Variants in RAB31 observed in about 807,000 individuals in gnomAD.
RAB31 encodes ras-related protein Rab-31.
A neutral mutation model predicts 25.6 loss-of-function variants in RAB31; 21 were observed. That is an observed-to-expected ratio of 0.82 (90% CI 0.58 to 1.18). RAB31 has a LOEUF of 1.18. Ranked by LOEUF, RAB31 falls within the 50% of genes most tolerant of loss-of-function variation. The pLI, the probability that RAB31 is intolerant of heterozygous loss-of-function variation, is 0.00. For synonymous variants in RAB31, 87 were observed against 84.0 expected (o/e 1.04, Z -0.20); for missense variants, 196 against 250.1 (o/e 0.78, Z 1.46).
chr18:9,752,828 A>T (rs1482409824), intron 1 of RAB31, among the ~76,000 whole-genome samples: 1 of 152,212 alleles, frequency 6.6e-6, no homozygotes, highest in African/African-American at 2.4e-5. Flanking sequence ...CTTTTACTTT[A>T]TGGAATGTCT....
At chr18:9,716,311 T>C (rs1207090239) in intron 1 of RAB31, among the ~76,000 whole-genome samples, 1 of 152,192 alleles carries the variant, frequency 6.6e-6, no homozygotes, top group African/African-American at 2.4e-5. Context: ...GTGGTCTTAT[T>C]TTTTAACGTG....
At chr18:9,793,567 C>G (rs1215117605) in intron 3 of RAB31, among the ~76,000 whole-genome samples, 1 of 151,658 alleles carries the variant, frequency 6.6e-6, no homozygotes, top group African/African-American at 2.4e-5. Context: ...GAGGCTGAGG[C>G]AGGAGAATGG....
At chr18:9,798,306 C>A (rs987777204) in intron 3 of RAB31, among the ~76,000 whole-genome samples, 1 of 151,788 alleles carries the variant, frequency 6.6e-6, no homozygotes. Context: ...TGTCTGGTGT[C>A]CCCTGGTGGA....
chr18:9,776,797 TG>T (rs2068374500), intron 2 of RAB31, among the ~76,000 whole-genome samples: 1 of 152,278 alleles, frequency 6.6e-6, no homozygotes, highest in South Asian at 2.1e-4. Flanking sequence ...GTCTTCTACA[TG>T]GGGCAGTGAG....
intron 6 of RAB31, among the ~76,000 whole-genome samples, chr18:9,850,409 G>A (rs1243714111): frequency 6.6e-6 from 1 of 152,192 alleles, no homozygotes; most frequent in East Asian, 1.9e-4. Context: ...ACAGGTATGT[G>A]CCACCATGGC....
At chr18:9,720,370 GA>G (rs1203350870) in intron 1 of RAB31, among the ~76,000 whole-genome samples, 1 of 152,174 alleles carries the variant, frequency 6.6e-6, no homozygotes, top group Non-Finnish European at 1.5e-5. Flanking sequence ...GCGTACATGG[GA>G]AAAGTTAGGT....
chr18:9,815,079 G>A (rs775220715), intron 4 of RAB31, 37 bp from the exon 5 acceptor site: 2 of 1,352,292 alleles, frequency 1.5e-6, no homozygotes, highest in Non-Finnish European at 2.1e-6. Flanking sequence ...TTATATTGAG[G>A]GGTCTTTCTA....
chr18:9,729,363 T>C (rs1047748348), intron 1 of RAB31, among the ~76,000 whole-genome samples: 2 of 151,974 alleles, frequency 1.3e-5, no homozygotes, highest in South Asian at 2.1e-4. Context: ...CCATCTGTAC[T>C]AAAAATATAA....
chr18:9,742,388 G>A (rs927023406), intron 1 of RAB31, among the ~76,000 whole-genome samples: 2 of 152,282 alleles, frequency 1.3e-5, no homozygotes, highest in African/African-American at 2.4e-5. Context: ...GAAGAGCAAA[G>A]ACATGCTAAT....
chr18:9,801,937 A>T (rs913225539), intron 3 of RAB31, among the ~76,000 whole-genome samples: 1 of 152,236 alleles, frequency 6.6e-6, no homozygotes. Flanking sequence ...TGAAAAGACT[A>T]TTCTTTGCCC....
At chr18:9,713,703 C>T (rs1388882344) in intron 1 of RAB31, among the ~76,000 whole-genome samples, 1 of 152,214 alleles carries the variant, frequency 6.6e-6, no homozygotes, top group African/African-American at 2.4e-5. Flanking sequence ...ATTTGAGCTG[C>T]TGTCACAAAA....
At chr18:9,823,331 A>G (rs2068633040) in intron 5 of RAB31, among the ~76,000 whole-genome samples, 1 of 152,172 alleles carries the variant, frequency 6.6e-6, no homozygotes, top group South Asian at 2.1e-4. Context: ...ACTGCTTGGT[A>G]TCTTCTCTGT....
At position 9,756,316 on chromosome 18, in the gene RAB31, G is replaced by T. The variant is rs73383297; in HGVS notation, c.40-18962G>T. On this transcript the variant is annotated intron_variant, in intron 1 of 6. Transcript: ENST00000578921. ...TATTATTTAACTAGAACAGTGTAGA[G>T]TCAGGAAAGCAGGTAAGTTGTGGGC... 5.0e-3 allele frequency among the ~76,000 whole-genome samples: 767 copies of T among 152,280 alleles called. 6 individuals are homozygous for T. The highest frequency in any genetic ancestry group is 0.017 in the African/African-American group (726 of 41,528).
intron 5 of RAB31, among the ~76,000 whole-genome samples, chr18:9,834,718 C>T (rs1025915695): frequency 6.6e-6 from 1 of 152,128 alleles, no homozygotes; most frequent in Non-Finnish European, 1.5e-5. Context: ...CCTTCTTTGG[C>T]GGTGGGGGAA....
chr18:9,711,775 C>G (rs1429423802), intron 1 of RAB31, among the ~76,000 whole-genome samples: 1 of 152,232 alleles, frequency 6.6e-6, no homozygotes, highest in Non-Finnish European at 1.5e-5. Flanking sequence ...CTGTTAGAAT[C>G]ACTTTCTGTC....
At chr18:9,723,029 A>C (rs973720043) in intron 1 of RAB31, among the ~76,000 whole-genome samples, 7 of 152,220 alleles carry the variant, frequency 4.6e-5, no homozygotes, top group Admixed American at 4.6e-4. Context: ...AAAGCAAAGA[A>C]TGCAATAGGT....
At chr18:9,751,135 A>G (rs776266383) in intron 1 of RAB31, among the ~76,000 whole-genome samples, 2 of 152,038 alleles carry the variant, frequency 1.3e-5, no homozygotes, top group Admixed American at 6.6e-5. Flanking sequence ...TCTGGCTCAA[A>G]CAGTCCTCCT....
chr18:9,809,558 G>A (rs1342530240), intron 3 of RAB31, among the ~76,000 whole-genome samples: 1 of 152,100 alleles, frequency 6.6e-6, no homozygotes, highest in Non-Finnish European at 1.5e-5. Context: ...CCTCCACGTG[G>A]CCTGGTGTTC....
chr18:9,757,058 T>G (rs978696421), intron 1 of RAB31, among the ~76,000 whole-genome samples: 2 of 152,222 alleles, frequency 1.3e-5, no homozygotes, highest in Non-Finnish European at 2.9e-5. Context: ...TTATTTCTCC[T>G]TGGTGGGCAT....
Sources: gnomAD v4.1 joint callset for allele counts (sites outside exome capture counted in the v4.1 genomes callset) on GRCh38, gnomAD v4.1.1 for gene constraint, MANE v1.5 for transcripts, NCBI Gene and HGNC (gene_info 2026-07-23, HGNC 2026-07-21) for gene names.